ZNF91: variants seen among roughly 807,000 people sequenced by gnomAD.
ZNF91 encodes zinc finger protein 91.
ZNF91 carries 7 observed loss-of-function variants against 12.6 expected under a neutral mutation model. That is an observed-to-expected ratio of 0.55 (90% CI 0.31 to 1.04). ZNF91 has a LOEUF of 1.04. Ranked by LOEUF, ZNF91 falls within the 50% of genes least tolerant of loss-of-function variation. The pLI, the probability that ZNF91 is intolerant of heterozygous loss-of-function variation, is 0.05. For synonymous variants in ZNF91, 453 were observed against 462.6 expected (o/e 0.98, Z 0.27); for missense variants, 1,217 against 1,385.4 (o/e 0.88, Z 1.93).
chr19:23,368,187 C>G (rs558882437), intron 3 of ZNF91, among the ~76,000 whole-genome samples: 5 of 151,978 alleles, frequency 3.3e-5, no homozygotes, highest in Non-Finnish European at 7.4e-5. Context: ...GGCGACGAGG[C>G]CCAGCCGCAT....
At chr19:23,309,145 G>C (rs1195545671) in intron 1 of ZNF91, 2 of 148,522 alleles carry the variant, frequency 1.3e-5, no homozygotes, top group African/African-American at 4.9e-5. Flanking sequence ...TCAATGGATT[G>C]AGCACCTAGG....
intron 3 of ZNF91, among the ~76,000 whole-genome samples, chr19:23,367,404 A>C (rs1387041852): frequency 6.6e-6 from 1 of 152,108 alleles, no homozygotes. Flanking sequence ...TGAAAAATCC[A>C]AAAATACATG....
intron 1 of ZNF91, among the ~76,000 whole-genome samples, chr19:23,392,396 CAAAAAAAA>C (rs71163502): frequency 1.4e-5 from 1 of 70,408 alleles, no homozygotes; most frequent in African/African-American, 5.1e-5. Flanking sequence ...AACTCCATCT[CAAAAAAAA>C]AAAAAAAAAG....
Position 23,358,932 on chromosome 19 carries a change from A to G in ZNF91, c.*471T>C, listed in dbSNP as rs1968578995. The G allele has an allele frequency of 2.7e-5, 8 of 297,776 alleles. No homozygotes were observed. The South Asian group carries it at 2.9e-4, about 11-fold the overall frequency. The allele number at this position is 297,776 out of a possible 1,614,324, so 18.4% of individuals were successfully genotyped here. ...TTCAGGACTTTTTATAGACTTTACC[A>G]CATTATTCACACTTGTAAGATTTCT... On this transcript the variant is annotated 3_prime_UTR_variant, in exon 4 of 4. Coordinates refer to ENST00000300619, the MANE Select transcript of ZNF91 (RefSeq NM_003430.4).
intron 1 of ZNF91, among the ~76,000 whole-genome samples, chr19:23,377,897 T>C (rs1969561036): frequency 6.6e-6 from 1 of 152,208 alleles, no homozygotes; most frequent in South Asian, 2.1e-4. Context: ...TACTAAGTGT[T>C]GAATAATCCC....
chr19:23,333,274 A>C (rs186918336), intron 1 of ZNF91, among the ~76,000 whole-genome samples: 2 of 152,186 alleles, frequency 1.3e-5, no homozygotes, highest in African/African-American at 4.8e-5. Flanking sequence ...TTGGTTTGTT[A>C]TAATAGGTTA....
intron 3 of ZNF91, among the ~76,000 whole-genome samples, chr19:23,305,911 C>T (rs1207035071): frequency 6.6e-6 from 1 of 152,222 alleles, no homozygotes; most frequent in Non-Finnish European, 1.5e-5. Context: ...ATACAAAAAA[C>T]ATTCTATACC....
At chr19:23,320,792 GAC>G (rs1471649150) in intron 1 of ZNF91, among the ~76,000 whole-genome samples, 3 of 152,230 alleles carry the variant, frequency 2.0e-5, no homozygotes, top group Non-Finnish European at 4.4e-5. Context: ...CTAGTAAGCA[GAC>G]ACAGTCAAGA....
intron 1 of ZNF91, among the ~76,000 whole-genome samples, chr19:23,329,868 C>G (rs1967896431): frequency 6.6e-6 from 1 of 152,204 alleles, no homozygotes; most frequent in Non-Finnish European, 1.5e-5. Flanking sequence ...AGCATGCAAT[C>G]TGACCCCCAG....
intron 1 of ZNF91, among the ~76,000 whole-genome samples, chr19:23,387,719 C>G (rs2145133561): frequency 6.6e-6 from 1 of 152,158 alleles, no homozygotes; most frequent in East Asian, 1.9e-4. Context: ...GTGGGTGGAT[C>G]ACCTGAGGTC....
At chr19:23,355,148 G>T (rs1045790984), downstream of ZNF91, among the ~76,000 whole-genome samples, 3 of 152,126 alleles carry the variant, frequency 2.0e-5, no homozygotes, top group African/African-American at 4.8e-5. Context: ...AGCCTGCACA[G>T]CCAAAGCAAG....
At chr19:23,378,288 G>T (rs1313803064) in intron 1 of ZNF91, among the ~76,000 whole-genome samples, 3 of 152,110 alleles carry the variant, frequency 2.0e-5, no homozygotes, top group Non-Finnish European at 4.4e-5. Flanking sequence ...ATCTCTACTA[G>T]TTAGTTCTGC....
chr19:23,362,830 T>C (rs1968868140), intron 3 of ZNF91, 105 bp from the exon 4 acceptor site: 16 of 1,264,444 alleles, frequency 1.3e-5, no homozygotes, highest in South Asian at 3.2e-5. Context: ...ACATAAACAA[T>C]ATGGCACTGC....
chr19:23,324,053 G>C, intron 1 of ZNF91: 2 of 126,428 alleles, frequency 1.6e-5, no homozygotes, highest in Admixed American at 7.9e-5. Context: ...CCTCCTCCTT[G>C]TCCATCTCCT....
intron 1 of ZNF91, among the ~76,000 whole-genome samples, chr19:23,377,348 G>A (rs1969539994): frequency 6.6e-6 from 1 of 152,186 alleles, no homozygotes; most frequent in Non-Finnish European, 1.5e-5. Flanking sequence ...ACTGTGAAAA[G>A]GGCACAAGAG....
intron 1 of ZNF91, chr19:23,327,223 T>C (rs1318744839): frequency 6.6e-6 from 1 of 152,106 alleles, no homozygotes; most frequent in African/African-American, 2.4e-5. Context: ...TAATAATTGA[T>C]TATATATCAT....
chr19:23,334,784 CA>C (rs1967977004), downstream of ZNF91, among the ~76,000 whole-genome samples: 1 of 151,960 alleles, frequency 6.6e-6, no homozygotes. Flanking sequence ...ATGGGGTTAC[CA>C]AAAGCTTATA....
Position 23,362,727 on chromosome 19 carries a change from T to TAA in ZNF91, c.254-3_254-2insTT. 7.0e-7 allele frequency: 1 copy of TAA among 1,424,278 alleles called. No individual in the cohort carries two copies. The highest frequency in any genetic ancestry group is 9.2e-7 in the Non-Finnish European group (1 of 1,086,814). 88.2% of individuals were successfully genotyped at this position (1,424,278 alleles called of 1,614,324 possible). The stretch of plus-strand genomic sequence containing the variant: ...CTTGAGGAAAATGAGGACATATACC[T>TAA]GAAAAAAAAAAACTAAAAATAATAA... On this transcript the variant is annotated splice_region_variant and splice_polypyrimidine_tract_variant and intron_variant, in intron 3 of 3. Transcript: ENST00000300619.
At chr19:23,392,138 G>T (rs1415325597) in intron 1 of ZNF91, among the ~76,000 whole-genome samples, 2 of 152,156 alleles carry the variant, frequency 1.3e-5, no homozygotes, top group Non-Finnish European at 2.9e-5. Flanking sequence ...GCTCATGCCT[G>T]TAATTCCAGC....
Sources: gnomAD v4.1 joint callset for allele counts (sites outside exome capture counted in the v4.1 genomes callset) on GRCh38, gnomAD v4.1.1 for gene constraint, MANE v1.5 for transcripts, NCBI Gene and HGNC (gene_info 2026-07-23, HGNC 2026-07-21) for gene names.